Variants in AP3B1 observed in about 807,000 individuals in gnomAD.
The protein encoded by AP3B1 is adaptor related protein complex 3 subunit beta 1.
AP3B1 carries 61 observed loss-of-function variants against 132.5 expected under a neutral mutation model. The observed-to-expected ratio is 0.46, with a 90% confidence interval of 0.37 to 0.57. AP3B1 has a LOEUF of 0.57. AP3B1 is among the 20% of genes least tolerant of loss of function. The pLI is 0.00. For missense variants in AP3B1, 1,120 were observed against 1,289.4 expected, an observed-to-expected ratio of 0.87 and a Z score of 2.01; for synonymous variants, 388 against 438.3, an observed-to-expected ratio of 0.89 and a Z score of 1.43.
At chr5:78,290,411 G>A (rs1337340782) in intron 1 of AP3B1, among the ~76,000 whole-genome samples, 2 of 152,044 alleles carry the variant, frequency 1.3e-5, no homozygotes, top group Admixed American at 1.3e-4. Context: ...AATACACCAA[G>A]ATGCTCTCAA....
chr5:78,141,644 G>A (rs1383603463), intron 14 of AP3B1, among the ~76,000 whole-genome samples: 1 of 152,132 alleles, frequency 6.6e-6, no homozygotes, highest in Non-Finnish European at 1.5e-5. Context: ...TCCATTATCT[G>A]TTGCTGCTTT....
intron 23 of AP3B1, among the ~76,000 whole-genome samples, chr5:78,036,080 A>T (rs1025085587): frequency 6.6e-6 from 1 of 152,090 alleles, no homozygotes; most frequent in African/African-American, 2.4e-5. Flanking sequence ...GTATCTTTGC[A>T]TGTCATTTGA....
chr5:78,089,156 A>G (rs1750403886), intron 22 of AP3B1: 2 of 446,496 alleles, frequency 4.5e-6, no homozygotes, highest in Non-Finnish European at 8.2e-6. Context: ...ATATATAACA[A>G]TACCAGAGAA....
At chr5:78,094,311 T>C (rs1750677815) in intron 21 of AP3B1, among the ~76,000 whole-genome samples, 1 of 152,256 alleles carries the variant, frequency 6.6e-6, no homozygotes, top group African/African-American at 2.4e-5. Context: ...TTTTCTTATG[T>C]ATTGTTAACT....
chr5:78,111,071 A>C (rs1751571995), intron 19 of AP3B1, among the ~76,000 whole-genome samples: 1 of 152,064 alleles, frequency 6.6e-6, no homozygotes, highest in Non-Finnish European at 1.5e-5. Flanking sequence ...TAATATATTT[A>C]AATATTTATA....
At chr5:78,118,332 C>A (rs1751958431) in intron 17 of AP3B1, among the ~76,000 whole-genome samples, 1 of 152,148 alleles carries the variant, frequency 6.6e-6, no homozygotes, top group South Asian at 2.1e-4. Flanking sequence ...GAGTGCCAGA[C>A]AGTGGGTGCA....
At chr5:78,110,070 T>C (rs1411012298) in intron 20 of AP3B1, 137 bp downstream of exon 20, 6 of 755,778 alleles carry the variant, frequency 7.9e-6, no homozygotes, top group Non-Finnish European at 1.1e-5. Context: ...GTTTCTAGCA[T>C]TTCTGCAGAG....
intron 2 of AP3B1, among the ~76,000 whole-genome samples, chr5:78,260,356 G>A (rs1166089725): frequency 2.6e-5 from 4 of 152,138 alleles, no homozygotes; most frequent in African/African-American, 9.7e-5. Flanking sequence ...GGAGGCCGAG[G>A]AGGGCAGATC....
chr5:78,043,060 T>A (rs1425534448), intron 22 of AP3B1: 1 of 154,572 alleles, frequency 6.5e-6, no homozygotes, highest in African/African-American at 2.4e-5. Flanking sequence ...TTCTTATCCT[T>A]ACCATTGTCC....
At chr5:78,293,400 C>A (rs972777493) in intron 1 of AP3B1, among the ~76,000 whole-genome samples, 6 of 152,074 alleles carry the variant, frequency 3.9e-5, no homozygotes, top group Non-Finnish European at 8.8e-5. Flanking sequence ...ACTTTTCTAA[C>A]CTTGGGAAAA....
intron 7 of AP3B1, among the ~76,000 whole-genome samples, chr5:78,186,875 T>C (rs919332981): frequency 6.6e-6 from 1 of 152,178 alleles, no homozygotes; most frequent in Non-Finnish European, 1.5e-5. Flanking sequence ...GGAAAACACC[T>C]TTCATCAAAA....
At chr5:78,207,278 A>T (rs1409411721) in intron 7 of AP3B1, among the ~76,000 whole-genome samples, 2 of 139,008 alleles carry the variant, frequency 1.4e-5, no homozygotes, top group Non-Finnish European at 3.2e-5. Flanking sequence ...AAAAAAAAAA[A>T]TTATCAAGTA....
At chr5:78,288,372 A>G (rs1749369872) in intron 1 of AP3B1, among the ~76,000 whole-genome samples, 1 of 152,256 alleles carries the variant, frequency 6.6e-6, no homozygotes, top group South Asian at 2.1e-4. Context: ...AGAGGAATGA[A>G]CCATACATAT....
At chr5:78,213,757 C>T (rs1262075499) in intron 7 of AP3B1, among the ~76,000 whole-genome samples, 1 of 152,032 alleles carries the variant, frequency 6.6e-6, no homozygotes, top group South Asian at 2.1e-4. Context: ...CAAGAGGTTA[C>T]GAGAAGGGAA....
At chr5:78,262,664 T>A (rs768686058) in intron 2 of AP3B1, among the ~76,000 whole-genome samples, 1 of 151,594 alleles carries the variant, frequency 6.6e-6, no homozygotes, top group Non-Finnish European at 1.5e-5. Context: ...TCAGGAAGTA[T>A]GAGACATTCA....
intron 11 of AP3B1, among the ~76,000 whole-genome samples, chr5:78,166,848 A>C (rs1442307517): frequency 6.6e-6 from 1 of 152,230 alleles, no homozygotes; most frequent in African/African-American, 2.4e-5. Flanking sequence ...AATTCAACTC[A>C]AGATGGATCA....
Position 78,136,600 on chromosome 5 carries a change from C to T in AP3B1, c.1650+4543G>A, listed in dbSNP as rs889278006. Among the ~76,000 whole-genome samples the T allele has an allele frequency of 4.6e-5, 7 of 152,132 alleles. No individual in the cohort carries two copies. In the East Asian group the frequency reaches 1.2e-3, roughly 25 times the overall value. On this transcript the variant is annotated intron_variant, in intron 15 of 26. Coordinates refer to ENST00000255194, the MANE Select transcript of AP3B1 (RefSeq NM_003664.5). ...AATTTCAGATTAACCCTCTTTCTAC[C>T]GCTGAACAAGTATAGCCTTTCTTCC...
intron 22 of AP3B1, among the ~76,000 whole-genome samples, chr5:78,041,104 G>C (rs1748064466): frequency 1.3e-5 from 2 of 151,916 alleles, no homozygotes; most frequent in South Asian, 4.2e-4. Context: ...GAGAAACCCT[G>C]TCTCTACTAA....
rs34983157 is a variant in AP3B1, at chr5:78,248,492, CAAAAAAAAAAA to C, written c.205-7567_205-7557del. Reference sequence around the variant, plus strand: ...TGGGCAACAGAGCGAGACTCTGTCTCAAAAAAAAAAAAAAAAAAAAAAAAGAAAAGAAAAAT... The same window carrying C: ...TGGGCAACAGAGCGAGACTCTGTCTCAAAAAAAAAAAAAGAAAAGAAAAAT... On this transcript the variant is annotated intron_variant, in intron 2 of 26. Coordinates refer to ENST00000255194, the MANE Select transcript of AP3B1 (RefSeq NM_003664.5). Among the ~76,000 whole-genome samples the C allele has an allele frequency of 4.2e-5, 3 of 71,372 alleles. No individual in the cohort carries two copies. In the East Asian group the frequency reaches 1.2e-3, roughly 29 times the overall value. The allele number at this position is 71,372 out of a possible 152,430, so 46.8% of individuals were successfully genotyped here. A position where few individuals can be genotyped will look rare whatever the true frequency, so the allele number is the denominator to read the frequency against.
Sources: allele counts gnomAD v4.1 joint callset (sites outside exome capture counted in the v4.1 genomes callset), GRCh38; gene constraint gnomAD v4.1.1; transcripts MANE v1.5; gene names NCBI Gene and HGNC (gene_info 2026-07-23, HGNC 2026-07-21).